MYCT1: variants seen among roughly 807,000 people sequenced by gnomAD.
The protein encoded by MYCT1 is MYC target 1, also known as myc target protein 1.
Under a neutral mutation model 15.0 loss-of-function variants are expected in MYCT1, and 12 were observed. That is an observed-to-expected ratio of 0.80 (90% CI 0.51 to 1.29). MYCT1 has a LOEUF of 1.29. Among genes scored for constraint, MYCT1 ranks in the 50% most tolerant of loss-of-function variants. The pLI, the probability that MYCT1 is intolerant of heterozygous loss-of-function variation, is 0.00. For missense variants in MYCT1, 287 were observed against 279.1 expected (o/e 1.03, Z -0.20); for synonymous variants, 104 against 102.7 (o/e 1.01, Z -0.07).
chr6:152,747,024 T>C, the MYCT1 span, among the ~76,000 whole-genome samples: 1 of 152,226 alleles, frequency 6.6e-6, no homozygotes, highest in South Asian at 2.1e-4. Context: ...AATTTACCTT[T>C]ATTGTAATAT....
At chr6:152,713,859 G>C (rs2099723155) in intron 1 of MYCT1, among the ~76,000 whole-genome samples, 1 of 152,026 alleles carries the variant, frequency 6.6e-6, no homozygotes, top group African/African-American at 2.4e-5. Flanking sequence ...AGCTTTACCT[G>C]TCCCAGACTG....
chr6:152,700,869 T>G (rs1423933665), intron 1 of MYCT1, among the ~76,000 whole-genome samples: 2 of 152,196 alleles, frequency 1.3e-5, no homozygotes, highest in African/African-American at 4.8e-5. Context: ...AAGATGTGGT[T>G]GCAGGAGTTT....
At chr6:152,727,211 A>G (rs1292542060), downstream of MYCT1, among the ~76,000 whole-genome samples, 2 of 66,986 alleles carry the variant, frequency 3.0e-5, no homozygotes, top group Admixed American at 1.6e-4. Flanking sequence ...ACTCAGTCTC[A>G]AAAAAAAAAA....
At chr6:152,730,395 A>G in the MYCT1 span, among the ~76,000 whole-genome samples, 1 of 152,220 alleles carries the variant, frequency 6.6e-6, no homozygotes, top group Admixed American at 6.5e-5. Flanking sequence ...TTGAAACCCA[A>G]GATAGCCACT....
chr6:152,717,803 T>C (rs2099723948), intron 1 of MYCT1, among the ~76,000 whole-genome samples: 1 of 152,102 alleles, frequency 6.6e-6, no homozygotes, highest in Admixed American at 6.5e-5. Context: ...TAAGAAGTCG[T>C]TTTCATGATG....
chr6:152,698,778 T>C (rs1443132543), intron 1 of MYCT1, among the ~76,000 whole-genome samples: 6 of 151,558 alleles, frequency 4.0e-5, no homozygotes, highest in African/African-American at 1.2e-4. Context: ...ATCACAGGGG[T>C]TGGGGGGAAA....
At chr6:152,715,291 G>C (rs909573603) in intron 1 of MYCT1, among the ~76,000 whole-genome samples, 5 of 152,026 alleles carry the variant, frequency 3.3e-5, no homozygotes, top group African/African-American at 1.2e-4. Context: ...TACAGAAAGG[G>C]GTGTGCTACC....
At chr6:152,700,734 G>A (rs1418457999) in intron 1 of MYCT1, among the ~76,000 whole-genome samples, 1 of 152,148 alleles carries the variant, frequency 6.6e-6, no homozygotes, top group Non-Finnish European at 1.5e-5. Flanking sequence ...GGCAATAGGA[G>A]ACAAATACTG....
At chr6:152,725,280 A>G (rs2099725454), downstream of MYCT1, among the ~76,000 whole-genome samples, 1 of 152,216 alleles carries the variant, frequency 6.6e-6, no homozygotes, top group Admixed American at 6.5e-5. Flanking sequence ...CATATGGAAA[A>G]TACTCAGTTG....
At chr6:152,717,821 T>A (rs949698765) in intron 1 of MYCT1, among the ~76,000 whole-genome samples, 1 of 151,572 alleles carries the variant, frequency 6.6e-6, no homozygotes, top group Non-Finnish European at 1.5e-5. Context: ...ATGCGTGTAC[T>A]CTACTGAGCA....
rs1261911682 is a variant in MYCT1, at chr6:152,721,954, C to T, written c.409C>T (p.Leu137Phe). Residue 137 changes from leucine (L) to phenylalanine (F), a missense_variant, in exon 2 of 2, where the codon CTC (leucine) becomes TTC (phenylalanine). By Grantham distance (22) the Leu-to-Phe change is conservative. Transcript: ENST00000367245. ...CAGTGGCTGTGAACGTCGAAGCAAC[C>T]TCAGCCTGGCCAGTCTCACCTTCCA... ...RHSGCERRSNLSLASLTFQRQ... is the reference protein window; with the variant it reads ...RHSGCERRSNFSLASLTFQRQ... 13 of 1,614,070 alleles carry T rather than the reference C, an allele frequency of 8.1e-6. No individual in the cohort carries two copies. Among genetic ancestry groups the T allele is most frequent in the Non-Finnish European group, 7.6e-6 (9 of 1,180,036 alleles).
the MYCT1 span, among the ~76,000 whole-genome samples, chr6:152,732,312 T>C: frequency 3.3e-5 from 5 of 152,122 alleles, no homozygotes; most frequent in African/African-American, 7.2e-5. Flanking sequence ...TTAAAAGTCA[T>C]GCAAATCAAC....
chr6:152,732,725 A>G, the MYCT1 span, among the ~76,000 whole-genome samples: 4 of 152,236 alleles, frequency 2.6e-5, no homozygotes, highest in Non-Finnish European at 5.9e-5. Flanking sequence ...AGAAAGGCAG[A>G]GGAAGATTTG....
chr6:152,715,058 C>T (rs1214212086), intron 1 of MYCT1, among the ~76,000 whole-genome samples: 1 of 151,984 alleles, frequency 6.6e-6, no homozygotes, highest in African/African-American at 2.4e-5. Flanking sequence ...TGAACACCAA[C>T]TTATGTTTTC....
At chr6:152,705,051 C>T (rs1276479539) in intron 1 of MYCT1, among the ~76,000 whole-genome samples, 1 of 152,098 alleles carries the variant, frequency 6.6e-6, no homozygotes, top group Non-Finnish European at 1.5e-5. Context: ...GCTTTTATAA[C>T]TTCTTCTTTT....
downstream of MYCT1, among the ~76,000 whole-genome samples, chr6:152,727,083 C>T (rs1049698422): frequency 1.5e-4 from 23 of 151,630 alleles, no homozygotes; most frequent in African/African-American, 5.3e-4. Context: ...TGGTGGCGGG[C>T]GCCTGTAGTC....
chr6:152,745,888 A>G, the MYCT1 span, among the ~76,000 whole-genome samples: 105 of 152,284 alleles, frequency 6.9e-4, no homozygotes, highest in African/African-American at 2.4e-3. Flanking sequence ...GTGTTTCTCC[A>G]TGATTTGCTT....
downstream of MYCT1, among the ~76,000 whole-genome samples, chr6:152,728,166 A>G (rs116944036): frequency 0.32 from 46,843 of 147,924 alleles, 8,473 homozygotes; most frequent in East Asian, 0.43. Flanking sequence ...TCTGTCTGGA[A>G]AAAAAAAAAA....
At chr6:152,731,649 C>A in the MYCT1 span, among the ~76,000 whole-genome samples, 1 of 152,056 alleles carries the variant, frequency 6.6e-6, no homozygotes. Flanking sequence ...CGATAGTTTG[C>A]TCAGAATGAT....
Sources: allele counts gnomAD v4.1 joint callset (sites outside exome capture counted in the v4.1 genomes callset), GRCh38; gene constraint gnomAD v4.1.1; transcripts MANE v1.5; gene names NCBI Gene and HGNC (gene_info 2026-07-23, HGNC 2026-07-21).